The following FNDC1 variants were observed in gnomAD, a reference collection of about 807,000 sequenced individuals.
The protein encoded by FNDC1 is fibronectin type III domain-containing protein 1.
Under a neutral mutation model 168.0 loss-of-function variants are expected in FNDC1, and 96 were observed. The ratio of observed to expected loss-of-function variants is 0.57; its 90% CI spans 0.48 to 0.68. The LOEUF (loss-of-function observed/expected upper bound fraction) is 0.68, where lower values mean the gene tolerates loss of function less well. Among genes scored for constraint, FNDC1 ranks in the 30% least tolerant of loss-of-function variants. The pLI is 0.00. For synonymous variants in FNDC1, 1,099 were observed against 1,025.9 expected, an observed-to-expected ratio of 1.07 and a Z score of -1.36; for missense variants, 2,587 against 2,482.1, an observed-to-expected ratio of 1.04 and a Z score of -0.90.
At chr6:159,234,584 G>A (rs1036411089) in intron 11 of FNDC1, 105 bp downstream of exon 11, 28 of 1,053,158 alleles carry the variant, frequency 2.7e-5, no homozygotes, top group Middle Eastern at 2.2e-4. Context: ...CTATGTCCAC[G>A]CACCGTGTTA....
intron 1 of FNDC1, among the ~76,000 whole-genome samples, chr6:159,192,190 T>G (rs1782155419): frequency 6.6e-6 from 1 of 152,180 alleles, no homozygotes; most frequent in African/African-American, 2.4e-5. Context: ...GTCATGCTCT[T>G]ATAACCACCC....
chr6:159,223,423 T>C lies in FNDC1; in HGVS notation c.767-105T>C. The stretch of plus-strand genomic sequence containing the variant: ...TTTTGTCTACATTACACACAAGCAA[T>C]CTAAAACTTATGCAGGGTGAATAAT... On this transcript the variant is annotated intron_variant, in intron 6 of 22. Coordinates refer to ENST00000297267, the MANE Select transcript of FNDC1 (RefSeq NM_032532.3). 4.9e-6 allele frequency: 3 copies of C among 614,402 alleles called. No homozygotes were observed. The South Asian group carries it at 7.2e-5, about 15-fold the overall frequency. 38.1% of individuals were successfully genotyped at this position (614,402 alleles called of 1,614,324 possible).
intron 22 of FNDC1, among the ~76,000 whole-genome samples, chr6:159,269,514 GCATCCATCCATCCATCCATCCATC>G (rs1159382501): frequency 1.2e-5 from 1 of 86,008 alleles, no homozygotes; most frequent in Non-Finnish European, 2.4e-5. Context: ...ATCCATCCAT[GCATCCATCCATCCATCCATCCATC>G]CATCCATCCA....
chr6:159,197,040 A>T (rs1360986771), intron 1 of FNDC1, among the ~76,000 whole-genome samples: 1 of 152,236 alleles, frequency 6.6e-6, no homozygotes, highest in Non-Finnish European at 1.5e-5. Context: ...ACGTTTAAAG[A>T]TTGTCCAACT....
intron 6 of FNDC1, among the ~76,000 whole-genome samples, chr6:159,222,635 T>C (rs1782853410): frequency 6.6e-6 from 1 of 152,246 alleles, no homozygotes; most frequent in South Asian, 2.1e-4. Flanking sequence ...ATAACAAAGA[T>C]AAATCTCTGT....
Position 159,234,034 on chromosome 6 carries a change from G to C in FNDC1, c.3522G>C (p.Ser1174=), listed in dbSNP as rs771999278. 1.2e-6 allele frequency: 2 copies of C among 1,611,716 alleles called. No homozygotes were observed. Among genetic ancestry groups the C allele is most frequent in the South Asian group, 1.1e-5 (1 of 90,686 alleles). ...KRPLSSKSQQ[S]VSAEDDEEED... Reference sequence around the variant, plus strand: ...CCCTGTCCTCCAAGTCCCAGCAGTCGGTCTCAGCCGAGGACGACGAGGAGG... The same window carrying C: ...CCCTGTCCTCCAAGTCCCAGCAGTCCGTCTCAGCCGAGGACGACGAGGAGG... The change falls in exon 11 of 23, where the codon TCG becomes TCC. Residue 1174 remains serine (S), a synonymous_variant. Transcript: ENST00000297267.
intron 11 of FNDC1, 118 bp from the exon 12 acceptor site, chr6:159,236,097 T>C: frequency 1.6e-6 from 1 of 636,356 alleles, no homozygotes; most frequent in Non-Finnish European, 2.7e-6. Flanking sequence ...GGTTTAAAAT[T>C]CTGTTTAGAG....
At chr6:159,250,248 A>C (rs1011917447) in intron 16 of FNDC1, among the ~76,000 whole-genome samples, 1 of 152,218 alleles carries the variant, frequency 6.6e-6, no homozygotes, top group African/African-American at 2.4e-5. Flanking sequence ...GCCTAGCTTC[A>C]GACTAATTTT....
chr6:159,185,829 T>TAGA (rs1781984876), intron 1 of FNDC1, among the ~76,000 whole-genome samples: 1 of 152,194 alleles, frequency 6.6e-6, no homozygotes, highest in Non-Finnish European at 1.5e-5. Context: ...CATGACTGAA[T>TAGA]GTTTAGTATT....
chr6:159,188,851 G>A (rs2007605), intron 1 of FNDC1, among the ~76,000 whole-genome samples: 13,736 of 149,774 alleles, frequency 0.092, 900 homozygotes, highest in East Asian at 0.36. Flanking sequence ...AGGTTCAAGC[G>A]ATTATCCTGC....
chr6:159,247,035 C>G (rs1420780153), intron 15 of FNDC1, 66 bp downstream of exon 15: 1 of 1,167,330 alleles, frequency 8.6e-7, no homozygotes, highest in African/African-American at 1.5e-5. Context: ...CTGATTGTAA[C>G]TATTGAGTGG....
intron 1 of FNDC1, among the ~76,000 whole-genome samples, chr6:159,183,465 C>T (rs566614573): frequency 1.7e-4 from 26 of 152,208 alleles, no homozygotes; most frequent in Non-Finnish European, 3.1e-4. Flanking sequence ...GACAGTTGGA[C>T]ACACTGGAGC....
chr6:159,202,334 G>C (rs1782397683), intron 4 of FNDC1, among the ~76,000 whole-genome samples: 1 of 152,218 alleles, frequency 6.6e-6, no homozygotes, highest in Non-Finnish European at 1.5e-5. Context: ...TAATTTATGT[G>C]AAGTTATCAG....
At position 159,256,627 on chromosome 6, in the gene FNDC1, A is replaced by G. The variant is rs1176111664; in HGVS notation, c.5170A>G (p.Thr1724Ala). The change falls in exon 18 of 23, where the codon ACG (threonine) becomes GCG (alanine). Residue 1724 changes from threonine (T) to alanine (A), a missense_variant. Physicochemically the swap from Thr to Ala is moderately conservative, Grantham distance 58. Transcript: ENST00000297267. ...GCCCATTGAGAACCTAAAGCCCAAC[A>G]CGAGGTACGATGTGTCAGTCATTTA... Reference protein sequence around the residue: ...HLPIENLKPNTRYYFKVQAQN... With the variant: ...HLPIENLKPNARYYFKVQAQN... The G allele has an allele frequency of 1.2e-6, 2 of 1,605,630 alleles. No homozygotes were observed. Among genetic ancestry groups the G allele is most frequent in the East Asian group, 2.2e-5 (1 of 44,872 alleles).
intron 4 of FNDC1, among the ~76,000 whole-genome samples, chr6:159,201,609 G>T (rs1782380113): frequency 6.6e-6 from 1 of 152,216 alleles, no homozygotes. Context: ...CTCATGAGTG[G>T]CTGAGGATTA....
chr6:159,264,542 G>T (rs1777553303), intron 19 of FNDC1, among the ~76,000 whole-genome samples: 1 of 152,136 alleles, frequency 6.6e-6, no homozygotes, highest in African/African-American at 2.4e-5. Flanking sequence ...AAACAAAGAT[G>T]CTATAAACAT....
intron 5 of FNDC1, among the ~76,000 whole-genome samples, chr6:159,217,160 A>G (rs1191396453): frequency 6.6e-6 from 1 of 152,222 alleles, no homozygotes; most frequent in Non-Finnish European, 1.5e-5. Context: ...GGGCAGTGTG[A>G]CTGAGATGGA....
chr6:159,203,515 C>T (rs547931812), intron 4 of FNDC1, among the ~76,000 whole-genome samples: 2 of 152,256 alleles, frequency 1.3e-5, no homozygotes, highest in African/African-American at 4.8e-5. Flanking sequence ...ATGACAGGAT[C>T]GAGCGAGAAT....
chr6:159,205,910 T>C (rs1782477437), intron 4 of FNDC1, among the ~76,000 whole-genome samples: 1 of 152,252 alleles, frequency 6.6e-6, no homozygotes, highest in South Asian at 2.1e-4. Context: ...ATTTTGAGAA[T>C]GTACTTAAAA....
Sources: allele counts gnomAD v4.1 joint callset (sites outside exome capture counted in the v4.1 genomes callset), GRCh38; gene constraint gnomAD v4.1.1; transcripts MANE v1.5; gene names NCBI Gene and HGNC (gene_info 2026-07-23, HGNC 2026-07-21).